The following GPR137B variants were observed in gnomAD, a reference collection of about 807,000 sequenced individuals.
GPR137B encodes the protein G protein-coupled receptor 137B.
GPR137B carries 42 observed loss-of-function variants against 42.5 expected under a neutral mutation model. The observed-to-expected ratio is 0.99, with a 90% CI of 0.77 to 1.28. GPR137B has a LOEUF of 1.28. GPR137B is among the 50% of genes most tolerant of loss of function. The pLI is 0.00. For synonymous variants in GPR137B, 218 were observed against 209.7 expected (o/e 1.04, Z -0.34); for missense variants, 487 against 493.9 (o/e 0.99, Z 0.13).
intron 5 of GPR137B, among the ~76,000 whole-genome samples, chr1:236,190,631 T>C (rs10802381): frequency 0.54 from 81,477 of 151,996 alleles, 24,409 homozygotes; most frequent in East Asian, 0.84. Flanking sequence ...GTTGAAAATT[T>C]TTTTCTTTAA....
In GPR137B at chr1:236,198,876, G is replaced by A. The variant is rs1014882601; in HGVS notation, c.967-6250G>A. On this transcript the variant is annotated intron_variant, in intron 5 of 6. Coordinates refer to ENST00000366592, the MANE Select transcript of GPR137B (RefSeq NM_003272.4). Reference sequence around the variant, plus strand: ...GTGACAGTTTGACTTACTCTTTACTGGTTTGGGTGCCCTCTTGCTGTTGTC... The same window carrying A: ...GTGACAGTTTGACTTACTCTTTACTAGTTTGGGTGCCCTCTTGCTGTTGTC... Among the ~76,000 whole-genome samples the A allele has an allele frequency of 3.9e-5, 6 of 152,244 alleles. No individual in the cohort carries two copies. In the East Asian group the frequency reaches 9.7e-4, roughly 24 times the overall value.
intron 5 of GPR137B, among the ~76,000 whole-genome samples, chr1:236,203,645 C>A (rs1290890016): frequency 6.6e-6 from 1 of 152,196 alleles, no homozygotes; most frequent in Non-Finnish European, 1.5e-5. Context: ...TTCCTCCAAT[C>A]CATGAACAGA....
intron 4 of GPR137B, among the ~76,000 whole-genome samples, chr1:236,182,053 G>GGCTAATT (rs2102912969): frequency 6.6e-6 from 1 of 151,904 alleles, no homozygotes; most frequent in African/African-American, 2.4e-5. Context: ...CCACCATGCC[G>GGCTAATT]GCTAATTTTT....
chr1:236,173,741 TGGG>T (rs1481934869), intron 2 of GPR137B, among the ~76,000 whole-genome samples: 1 of 145,484 alleles, frequency 6.9e-6, no homozygotes, highest in Admixed American at 7.0e-5. Context: ...GCAGTAGTAT[TGGG>T]GGCAGTGTAC....
At chr1:236,162,057 T>C (rs1211272271) in intron 1 of GPR137B, among the ~76,000 whole-genome samples, 1 of 152,236 alleles carries the variant, frequency 6.6e-6, no homozygotes, top group African/African-American at 2.4e-5. Flanking sequence ...TGGAACTTTC[T>C]AGAGACTTAT....
At chr1:236,176,643 C>T (rs936291115) in intron 2 of GPR137B, among the ~76,000 whole-genome samples, 2 of 152,202 alleles carry the variant, frequency 1.3e-5, no homozygotes, top group African/African-American at 4.8e-5. Flanking sequence ...CGTTTTCCCA[C>T]TAGCCAGGGG....
rs778468014 is a variant in GPR137B, at chr1:236,150,919, C to T, written c.414+7883C>T. ...AGGCTAGCTGCTCAGCGTTGAGTGG[C>T]GGGGAGTGGAGGGCAGGGGTCATGA... On this transcript the variant is annotated intron_variant, in intron 1 of 6. Coordinates refer to ENST00000366592, the MANE Select transcript of GPR137B (RefSeq NM_003272.4). This position sits in a 1 kb window ranked among gnomAD's most constrained non-coding sequence, Gnocchi z 6.2. 1.2e-4 allele frequency among the ~76,000 whole-genome samples: 19 copies of T among 152,210 alleles called. No homozygotes were observed. The highest frequency in any genetic ancestry group is 1.2e-3 in the East Asian group (6 of 5,186).
chr1:236,182,855 A>G (rs1662923214), intron 4 of GPR137B, among the ~76,000 whole-genome samples: 3 of 152,184 alleles, frequency 2.0e-5, no homozygotes, highest in Non-Finnish European at 4.4e-5. Flanking sequence ...GTGTGTTGCC[A>G]CCAAAATAAT....
intron 6 of GPR137B, among the ~76,000 whole-genome samples, chr1:236,205,627 C>T (rs1234477149): frequency 2.0e-5 from 3 of 152,154 alleles, no homozygotes; most frequent in African/African-American, 2.4e-5. Flanking sequence ...TGCAACCTCC[C>T]GCTCCCAGGT....
intron 1 of GPR137B, among the ~76,000 whole-genome samples, chr1:236,159,219 A>T (rs762825657): frequency 1.3e-5 from 2 of 152,142 alleles, no homozygotes; most frequent in Non-Finnish European, 2.9e-5. Flanking sequence ...AAGTTAAGGC[A>T]GGAGGATTCC....
rs553672728 is a variant in GPR137B, at chr1:236,166,757, G to A, written c.415-1949G>A. 1.1e-3 allele frequency among the ~76,000 whole-genome samples: 171 copies of A among 152,162 alleles called. 1 individual carries two copies. Among genetic ancestry groups the A allele is most frequent in the African/African-American group, 3.9e-3 (163 of 41,506 alleles). On this transcript the variant is annotated intron_variant, in intron 1 of 6. Coordinates refer to ENST00000366592, the MANE Select transcript of GPR137B (RefSeq NM_003272.4). Reference sequence around the variant, plus strand: ...CCCAGCACTTTGGGAGGCCGAGGTGGGTGGGGCACTTGAGGTCAGGCGTGA... The same window carrying A: ...CCCAGCACTTTGGGAGGCCGAGGTGAGTGGGGCACTTGAGGTCAGGCGTGA...
intron 1 of GPR137B, among the ~76,000 whole-genome samples, chr1:236,168,408 A>AG (rs1349251403): frequency 6.7e-6 from 1 of 148,914 alleles, no homozygotes; most frequent in Non-Finnish European, 1.5e-5. Flanking sequence ...GGGCAACAAG[A>AG]GTGAAATTCT....
In GPR137B at chr1:236,143,024, G is replaced by GT; in HGVS notation, c.403dup (p.Tyr135LeufsTer64). The GT allele has an allele frequency of 6.2e-7, 1 of 1,611,516 alleles. No homozygotes were observed. Among genetic ancestry groups the GT allele is most frequent in the Non-Finnish European group, 8.5e-7 (1 of 1,178,904 alleles). ...TTTTCACCCTCACGCTGATGAACTTGTACTTCACGCAGGTGAGTTTCAGAG... is the reference window on the plus strand; with the variant it reads ...TTTTCACCCTCACGCTGATGAACTTGTTACTTCACGCAGGTGAGTTTCAGAG... On this transcript the variant is annotated frameshift_variant, in exon 1 of 7. Coordinates refer to ENST00000366592, the MANE Select transcript of GPR137B (RefSeq NM_003272.4). LOFTEE classifies it high-confidence loss of function.
intron 5 of GPR137B, 126 bp from the exon 6 acceptor site, chr1:236,205,000 G>A: frequency 1.3e-6 from 1 of 749,424 alleles, no homozygotes; most frequent in Non-Finnish European, 2.2e-6. Flanking sequence ...TATTCCAGCT[G>A]AACAGATATA....
At chr1:236,163,147 A>C (rs1382060487) in intron 1 of GPR137B, among the ~76,000 whole-genome samples, 1 of 152,116 alleles carries the variant, frequency 6.6e-6, no homozygotes, top group Non-Finnish European at 1.5e-5. Context: ...GTCAAAGGAG[A>C]TCATATTGGA....
At chr1:236,178,681 A>G in intron 3 of GPR137B, 45 bp downstream of exon 3, 1 of 1,237,802 alleles carries the variant, frequency 8.1e-7, no homozygotes, top group Non-Finnish European at 1.2e-6. Context: ...AACGTGTTCT[A>G]AAAAGAGTTT....
At chr1:236,205,871 A>T (rs1203641180) in intron 6 of GPR137B, among the ~76,000 whole-genome samples, 5 of 152,226 alleles carry the variant, frequency 3.3e-5, no homozygotes, top group Non-Finnish European at 1.5e-5. Flanking sequence ...ATGCCGAGCG[A>T]GCCTGTAATA....
chr1:236,198,610 T>G (rs569815859), intron 5 of GPR137B, among the ~76,000 whole-genome samples: 2 of 152,242 alleles, frequency 1.3e-5, no homozygotes, highest in South Asian at 4.1e-4. Flanking sequence ...ATGGGGGATG[T>G]GTTTCCATTT....
intron 3 of GPR137B, 87 bp downstream of exon 3, chr1:236,178,723 T>C (rs1662767240): frequency 2.4e-6 from 2 of 835,288 alleles, no homozygotes; most frequent in Admixed American, 3.8e-5. Flanking sequence ...TTGATGAATT[T>C]TAGACTTGAT....
Sources: allele counts gnomAD v4.1 joint callset (sites outside exome capture counted in the v4.1 genomes callset), GRCh38; gene constraint gnomAD v4.1.1; non-coding constraint Gnocchi (gnomAD v3.1); transcripts MANE v1.5; gene names NCBI Gene and HGNC (gene_info 2026-07-23, HGNC 2026-07-21).